Variants in DLG1 observed in about 807,000 individuals in gnomAD.
DLG1 encodes the protein disks large homolog 1.
A neutral mutation model predicts 123.4 loss-of-function variants in DLG1; 42 were observed. That is an observed-to-expected ratio of 0.34 (90% CI 0.27 to 0.44). The LOEUF (loss-of-function observed/expected upper bound fraction) is 0.44. Ranked by LOEUF, DLG1 falls within the 20% of genes least tolerant of loss-of-function variation. DLG1 has a pLI of 1.00. For synonymous variants in DLG1, 317 were observed against 356.2 expected (o/e 0.89, Z 1.24); for missense variants, 942 against 1,082.6 (o/e 0.87, Z 1.82).
At chr3:197,105,026 T>G (rs1329910000) in intron 13 of DLG1, 21 bp from the exon 14 acceptor site, 1 of 1,450,114 alleles carries the variant, frequency 6.9e-7, no homozygotes, top group Non-Finnish European at 9.5e-7. Context: ...AACCAAATCT[T>G]AATTTGGGAG....
At chr3:197,063,928 A>AATT (rs1737598410) in intron 22 of DLG1, among the ~76,000 whole-genome samples, 1 of 132,346 alleles carries the variant, frequency 7.6e-6, no homozygotes, top group African/African-American at 2.8e-5. Context: ...CTTAATTTAC[A>AATT]TTTTTTTTTT....
chr3:197,140,162 C>A lies in DLG1; in HGVS notation c.691G>T (p.Ala231Ser). 6.2e-7 allele frequency: 1 copy of A among 1,613,502 alleles called. No homozygotes were observed. Among genetic ancestry groups the A allele is most frequent in the Middle Eastern group, 1.7e-4 (1 of 6,058 alleles). The change falls in exon 8 of 25, where the codon GCC becomes TCC. Residue 231 changes from alanine (A) to serine (S), a missense_variant. By Grantham distance (99) the Ala-to-Ser change is moderately conservative (BLOSUM62 1). Transcript: ENST00000667157. ...FITKIITGGAAAQDGRLRVND... is the reference protein window; with the variant it reads ...FITKIITGGASAQDGRLRVND... ...TACCGCAATCTTCCATCTTGGGCGG[C>A]TGCTCCCCCTGTGATAATTTTGGTA... is the stretch of plus-strand genomic sequence containing the variant.
chr3:197,152,558 C>T (rs112179993), intron 5 of DLG1, among the ~76,000 whole-genome samples: 1,620 of 150,862 alleles, frequency 0.011, 32 homozygotes, highest in African/African-American at 0.037. Context: ...GGGTGGATCA[C>T]GAGGTCAGGA....
intron 17 of DLG1, among the ~76,000 whole-genome samples, chr3:197,078,004 G>A (rs955016889): frequency 6.6e-6 from 1 of 151,966 alleles, no homozygotes; most frequent in African/African-American, 2.4e-5. Context: ...TTTTAAGCAT[G>A]TGATGCCAGG....
intron 4 of DLG1, among the ~76,000 whole-genome samples, chr3:197,230,525 T>C (rs1742384506): frequency 6.6e-6 from 1 of 152,180 alleles, no homozygotes; most frequent in Non-Finnish European, 1.5e-5. Flanking sequence ...ATTGTTACTA[T>C]CATAAAACAA....
chr3:197,076,444 A>G, intron 18 of DLG1, 142 bp downstream of exon 18: 1 of 514,700 alleles, frequency 1.9e-6, no homozygotes, highest in Middle Eastern at 3.2e-4. Context: ...ATACAAATTA[A>G]TTTATAACTG....
At chr3:197,248,054 G>A (rs879772447) in intron 4 of DLG1, among the ~76,000 whole-genome samples, 5 of 152,242 alleles carry the variant, frequency 3.3e-5, no homozygotes, top group Non-Finnish European at 5.9e-5. Context: ...CCACGGAACC[G>A]CAGATTGGAC....
intron 14 of DLG1, among the ~76,000 whole-genome samples, chr3:197,100,823 A>C (rs1036789582): frequency 2.0e-5 from 3 of 152,184 alleles, no homozygotes; most frequent in African/African-American, 7.2e-5. Flanking sequence ...AGTTACCATA[A>C]ATACCCTCTG....
At chr3:197,063,751 G>A (rs1737456498) in intron 22 of DLG1, among the ~76,000 whole-genome samples, 1 of 151,982 alleles carries the variant, frequency 6.6e-6, no homozygotes, top group Non-Finnish European at 1.5e-5. Flanking sequence ...GTGGGATGCT[G>A]GGTTGAAGGA....
chr3:197,228,447 A>C (rs1320793327), intron 4 of DLG1, among the ~76,000 whole-genome samples: 1 of 152,242 alleles, frequency 6.6e-6, no homozygotes, highest in Admixed American at 6.5e-5. Flanking sequence ...TAAACATGTA[A>C]TATATTCAAC....
chr3:197,225,374 G>C (rs1739329950), intron 4 of DLG1, among the ~76,000 whole-genome samples: 1 of 152,134 alleles, frequency 6.6e-6, no homozygotes, highest in Non-Finnish European at 1.5e-5. Context: ...GAAATGAGTA[G>C]TAAAGTCATG....
chr3:197,068,395 C>G (rs1741211729), intron 19 of DLG1: 4 of 739,914 alleles, frequency 5.4e-6, no homozygotes, highest in Non-Finnish European at 8.6e-6. Flanking sequence ...AAAAAAAAAT[C>G]ATTAAGTAAC....
chr3:197,084,747 A>T (rs529327392), intron 16 of DLG1, among the ~76,000 whole-genome samples: 2 of 151,256 alleles, frequency 1.3e-5, no homozygotes, highest in Non-Finnish European at 1.5e-5. Flanking sequence ...ATTATTTTTA[A>T]TTTTTTTATG....
intron 2 of DLG1, chr3:197,296,697 A>G (rs1280500263): frequency 4.5e-6 from 2 of 446,674 alleles, no homozygotes; most frequent in African/African-American, 4.0e-5. Context: ...CACATTAGAA[A>G]ACGGAGGAGA....
rs34378051 is a variant in DLG1 at position 197,250,980 on chromosome 3, C to CAAA, written c.318+31696_318+31698dup. 4.7e-3 allele frequency among the ~76,000 whole-genome samples: 408 copies of CAAA among 87,088 alleles called. 2 individuals carry two copies. The highest frequency in any genetic ancestry group is 7.5e-3 in the Non-Finnish European group (321 of 42,844). 57.1% of individuals were successfully genotyped at this position (87,088 alleles called of 152,430 possible). A position where few individuals can be genotyped will look rare whatever the true frequency, so the allele number is the denominator to read the frequency against. ...CCTGGGCAACAGAGCAAGACTCCAT[C>CAAA]AAAAAAAAAAAAAAAAAAAAGGAAA... On this transcript the variant is annotated intron_variant, in intron 4 of 24. Coordinates refer to ENST00000667157, the MANE Select transcript of DLG1 (RefSeq NM_001366207.1).
chr3:197,184,139 T>C (rs1244966229), intron 5 of DLG1: 1 of 1,070,110 alleles, frequency 9.3e-7, no homozygotes, highest in Non-Finnish European at 1.1e-6. Context: ...GATAACTAGA[T>C]GGATTGAAAT....
intron 5 of DLG1, among the ~76,000 whole-genome samples, chr3:197,185,763 T>G (rs1715562910): frequency 6.6e-6 from 1 of 152,170 alleles, no homozygotes. Flanking sequence ...GTTCTGTTAT[T>G]CTGAATTAGT....
intron 10 of DLG1, among the ~76,000 whole-genome samples, chr3:197,134,092 T>C (rs1443674262): frequency 6.6e-6 from 1 of 152,214 alleles, no homozygotes; most frequent in Non-Finnish European, 1.5e-5. Flanking sequence ...AACAGAAGGC[T>C]GTCTTGACTG....
chr3:197,120,409 AC>A (rs1487222488), intron 11 of DLG1, among the ~76,000 whole-genome samples: 2 of 152,216 alleles, frequency 1.3e-5, no homozygotes, highest in African/African-American at 4.8e-5. Context: ...TTCTAAAGAC[AC>A]AGGTAGGTAA....
Sources: allele counts gnomAD v4.1 joint callset (sites outside exome capture counted in the v4.1 genomes callset), GRCh38; gene constraint gnomAD v4.1.1; transcripts MANE v1.5; gene names NCBI Gene and HGNC (gene_info 2026-07-23, HGNC 2026-07-21).